Variants in CUX1 observed in about 807,000 individuals in gnomAD.
The protein encoded by CUX1 is protein CASP.
A neutral mutation model predicts 158.8 loss-of-function variants in CUX1; 31 were observed. The observed-to-expected ratio is 0.20, with a 90% CI of 0.15 to 0.26. CUX1 has a LOEUF of 0.26. Among genes scored for constraint, CUX1 ranks in the 10% least tolerant of loss-of-function variants. The probability of loss-of-function intolerance (pLI) is 1.00; values close to 1 mark genes in which losing one functional copy is unlikely to be tolerated. For missense variants in CUX1, 1,589 were observed against 2,014.6 expected (o/e 0.79, Z 4.04); for synonymous variants, 879 against 862.1 (o/e 1.02, Z -0.34).
At chr7:102,265,319 A>G (rs1224550319) in intron 14 of CUX1, among the ~76,000 whole-genome samples, 12 of 150,608 alleles carry the variant, frequency 8.0e-5, no homozygotes, top group African/African-American at 2.7e-4. Flanking sequence ...TTACACCACT[A>G]TACTCCAGCC....
intron 15 of CUX1, among the ~76,000 whole-genome samples, chr7:102,197,614 T>G (rs1554518751): frequency 6.6e-6 from 1 of 152,156 alleles, no homozygotes; most frequent in African/African-American, 2.4e-5. Context: ...CTCCGTATGC[T>G]TAGTGGCCGC....
intron 6 of CUX1, among the ~76,000 whole-genome samples, chr7:102,104,674 G>A (rs1389585967): frequency 6.6e-6 from 1 of 152,126 alleles, no homozygotes; most frequent in African/African-American, 2.4e-5. Context: ...GGTGGATCAT[G>A]AGGTCAGGAG....
chr7:102,102,629 C>T (rs1304487510), intron 5 of CUX1, among the ~76,000 whole-genome samples: 6 of 152,260 alleles, frequency 3.9e-5, no homozygotes, highest in Admixed American at 3.9e-4. Context: ...GGGCTTCCCC[C>T]AGCTCTGCCC....
Position 102,251,539 on chromosome 7 carries a change from G to C in CUX1, c.*2497G>C. 1 of 985,288 alleles carries C rather than the reference G, an allele frequency of 1.0e-6. No individual in the cohort carries two copies. Among genetic ancestry groups the C allele is most frequent in the South Asian group, 4.7e-5 (1 of 21,268 alleles). The allele number at this position is 985,288 out of a possible 1,614,324, so 61.0% of individuals were successfully genotyped here. On this transcript the variant is annotated 3_prime_UTR_variant, in exon 24 of 24. Transcript: ENST00000292535. ...GGCTGTTCGTTTGTCTTTTGTTGGG[G>C]GTATCATTTCTGAACTTGAAATCCA...
In CUX1 at chr7:102,227,443, C is replaced by T. The variant is rs782113783; in HGVS notation, c.3207C>T (p.Ser1069=). Residue 1069 remains serine (S), a synonymous_variant, in exon 21 of 24, where the codon AGC becomes AGT. Transcript: ENST00000292535. ...TGAGTTCCAGTGAGTCGGTGAAGAG[C>T]CTGACCGAGCTGGTCCAGCAGCCCT... ...SPMSSSESVK[S]LTELVQQPCP... The T allele has an allele frequency of 5.0e-6, 8 of 1,614,036 alleles. No individual in the cohort carries two copies. The highest frequency in any genetic ancestry group is 5.1e-6 in the Non-Finnish European group (6 of 1,180,028).
intron 2 of CUX1, among the ~76,000 whole-genome samples, chr7:101,972,172 T>C (rs1197918985): frequency 6.6e-6 from 1 of 152,140 alleles, no homozygotes. Context: ...TTCACCGTGT[T>C]AGCCAGGATG....
chr7:101,883,961 A>C (rs566960851), intron 1 of CUX1, among the ~76,000 whole-genome samples: 2 of 151,880 alleles, frequency 1.3e-5, no homozygotes, highest in East Asian at 3.9e-4. Context: ...TGGTGCAATC[A>C]TAGCTCACTA....
At chr7:102,105,392 G>A (rs1328241744) in intron 6 of CUX1, among the ~76,000 whole-genome samples, 13 of 150,728 alleles carry the variant, frequency 8.6e-5, no homozygotes, top group African/African-American at 3.2e-4. Flanking sequence ...TACCAAAAAC[G>A]TTTCCCACAA....
intron 20 of CUX1, among the ~76,000 whole-genome samples, chr7:102,211,132 G>A (rs1483538310): frequency 6.6e-6 from 1 of 152,058 alleles, no homozygotes; most frequent in Non-Finnish European, 1.5e-5. Flanking sequence ...TGCACCCCTG[G>A]GCATTCCACA....
chr7:102,050,675 T>C (rs771138518), intron 3 of CUX1, among the ~76,000 whole-genome samples: 5 of 148,162 alleles, frequency 3.4e-5, no homozygotes, highest in Non-Finnish European at 7.4e-5. Flanking sequence ...TTAGACCCTG[T>C]GAATTCTTTT....
intron 2 of CUX1, among the ~76,000 whole-genome samples, chr7:102,011,202 G>A (rs571041313): frequency 3.3e-5 from 5 of 152,190 alleles, no homozygotes; most frequent in Admixed American, 2.0e-4. Flanking sequence ...ATTGTATGGT[G>A]TATTCATGCC....
chr7:102,254,851 A>G lies in CUX1; in HGVS notation c.*5809A>G, dbSNP rs1329272517. 1 of 985,348 alleles carries G rather than the reference A, an allele frequency of 1.0e-6. No individual in the cohort carries two copies. The highest frequency in any genetic ancestry group is 1.2e-6 in the Non-Finnish European group (1 of 829,952). The allele number at this position is 985,348 out of a possible 1,614,324, so 61.0% of individuals were successfully genotyped here. A position where few individuals can be genotyped will look rare whatever the true frequency, so the allele number is the denominator to read the frequency against. ...ACTCGAACGCTAAGAGAATGGTCCA[A>G]TTTGATGATCTTATTTCTATTTCGA... On this transcript the variant is annotated 3_prime_UTR_variant, in exon 24 of 24. Coordinates refer to ENST00000292535, the MANE Select transcript of CUX1 (RefSeq NM_181552.4).
chr7:102,199,463 C>G (rs1795162888), intron 16 of CUX1, among the ~76,000 whole-genome samples: 1 of 152,226 alleles, frequency 6.6e-6, no homozygotes, highest in African/African-American at 2.4e-5. Context: ...TGTGCCTGCA[C>G]AAAACATCAC....
At chr7:102,111,601 T>A in intron 6 of CUX1, 97 bp from the exon 7 acceptor site, 1 of 1,146,800 alleles carries the variant, frequency 8.7e-7, no homozygotes, top group Non-Finnish European at 1.3e-6. Flanking sequence ...TGCCGCCAGC[T>A]GAGCGCAGGG....
intron 2 of CUX1, among the ~76,000 whole-genome samples, chr7:101,991,481 G>A (rs192264520): frequency 2.6e-4 from 39 of 152,270 alleles, no homozygotes; most frequent in African/African-American, 9.4e-4. Flanking sequence ...AGTTGGGGCC[G>A]GGTGTGGTGG....
intron 1 of CUX1, among the ~76,000 whole-genome samples, chr7:101,829,551 C>G (rs1419444346): frequency 6.6e-6 from 1 of 152,058 alleles, no homozygotes; most frequent in Non-Finnish European, 1.5e-5. Flanking sequence ...CTGCGCTGTT[C>G]CCTAGACAAC....
intron 20 of CUX1, among the ~76,000 whole-genome samples, chr7:102,223,881 A>G (rs1289490189): frequency 6.6e-6 from 1 of 152,156 alleles, no homozygotes; most frequent in Non-Finnish European, 1.5e-5. Flanking sequence ...AGGCAGGAGA[A>G]TCGTTTGAAC....
chr7:102,045,953 G>T (rs183919648), intron 3 of CUX1, among the ~76,000 whole-genome samples: 1 of 152,324 alleles, frequency 6.6e-6, no homozygotes, highest in African/African-American at 2.4e-5. Context: ...AAGGAAGGGT[G>T]CATGGGGTTT....
chr7:102,157,374 T>C (rs1463005936), intron 8 of CUX1, among the ~76,000 whole-genome samples: 1 of 151,864 alleles, frequency 6.6e-6, no homozygotes, highest in Non-Finnish European at 1.5e-5. Flanking sequence ...GCCTGTGGCC[T>C]TCTAACAGAG....
Sources: gnomAD v4.1 joint callset for allele counts (sites outside exome capture counted in the v4.1 genomes callset) on GRCh38, gnomAD v4.1.1 for gene constraint, MANE v1.5 for transcripts, NCBI Gene and HGNC (gene_info 2026-07-23, HGNC 2026-07-21) for gene names.